Variants in KLHL22 observed in about 807,000 individuals in gnomAD.
KLHL22 encodes kelch like family member 22.
In KLHL22, 18 loss-of-function variants were observed where a neutral mutation model predicts 60.7. The ratio of observed to expected loss-of-function variants is 0.30; its 90% CI spans 0.20 to 0.44. KLHL22 has a LOEUF of 0.44. KLHL22 is among the 20% of genes least tolerant of loss of function. The pLI, the probability that KLHL22 is intolerant of heterozygous loss-of-function variation, is 1.00. For synonymous variants in KLHL22, 355 were observed against 354.5 expected (o/e 1.00, Z -0.01); for missense variants, 596 against 852.3 (o/e 0.70, Z 3.74).
intron 2 of KLHL22, among the ~76,000 whole-genome samples, chr22:20,480,583 C>T (rs2053482236): frequency 6.6e-6 from 1 of 152,044 alleles, no homozygotes; most frequent in Non-Finnish European, 1.5e-5. Flanking sequence ...TCCTCGATCC[C>T]TTGTCCAAAC....
rs1442932084 is a variant in KLHL22 at position 20,495,435 on chromosome 22, G to C, written c.-34+325C>G. ...GGCCAGGAAGGCCGCATTCGGACCT[G>C]CCGCAGGCAACAGGGCCCGCCCGGG... On this transcript the variant is annotated intron_variant, in intron 1 of 6. Transcript: ENST00000328879. The surrounding 1 kb of genome is among the most constrained non-coding windows in gnomAD (Gnocchi z 4.6). Among the ~76,000 whole-genome samples the C allele has an allele frequency of 2.0e-5, 3 of 152,038 alleles. No homozygotes were observed. Among genetic ancestry groups the C allele is most frequent in the Admixed American group, 1.3e-4 (2 of 15,266 alleles).
chr22:20,449,796 G>A (rs1054190766), intron 5 of KLHL22, among the ~76,000 whole-genome samples: 12 of 151,620 alleles, frequency 7.9e-5, no homozygotes, highest in African/African-American at 1.5e-4. Context: ...TTTTAATTTT[G>A]ATGAAGTCCA....
chr22:20,455,606 A>G (rs1843821878), intron 5 of KLHL22, among the ~76,000 whole-genome samples: 1 of 152,132 alleles, frequency 6.6e-6, no homozygotes, highest in South Asian at 2.1e-4. Context: ...CCCCTCTTTC[A>G]GTTAAGCTTA....
Position 20,469,566 on chromosome 22 carries a change from CAG to C in KLHL22, c.393+1782_393+1783del, listed in dbSNP as rs982182613. ...CAGAAGAGATCTCTAAATAAAAGAA[CAG>C]GGGGAAATTCTTTTGTTGTAAAAGC... is the stretch of plus-strand genomic sequence containing the variant. On this transcript the variant is annotated intron_variant, in intron 3 of 6. Transcript: ENST00000328879. 3.7e-4 allele frequency among the ~76,000 whole-genome samples: 56 copies of C among 152,194 alleles called. 1 individual carries two copies. The South Asian group carries it at 9.4e-3, about 25-fold the overall frequency.
At chr22:20,459,480 C>T (rs2053119072) in intron 4 of KLHL22, among the ~76,000 whole-genome samples, 1 of 152,210 alleles carries the variant, frequency 6.6e-6, no homozygotes, top group Non-Finnish European at 1.5e-5. Flanking sequence ...CAGTTTTAAT[C>T]TCTTGGGATT....
At position 20,465,695 on chromosome 22, in the gene KLHL22, T is replaced by C; in HGVS notation, c.394-119A>G. ...GCCAGGCAAAGCAGAAGGGAAGTCCTCCTTAATTGTCCCCGACCTTTTCTG... is the reference window on the plus strand; with the variant it reads ...GCCAGGCAAAGCAGAAGGGAAGTCCCCCTTAATTGTCCCCGACCTTTTCTG... On this transcript the variant is annotated intron_variant, in intron 3 of 6. Coordinates refer to ENST00000328879, the MANE Select transcript of KLHL22 (RefSeq NM_032775.4). This position sits in a 1 kb window ranked among gnomAD's most constrained non-coding sequence, Gnocchi z 4.9. 1.4e-6 allele frequency: 1 copy of C among 692,186 alleles called. No homozygotes were observed. The highest frequency in any genetic ancestry group is 2.6e-6 in the Non-Finnish European group (1 of 379,152). 42.9% of individuals were successfully genotyped at this position (692,186 alleles called of 1,614,324 possible).
chr22:20,442,724 C>G (rs1236992514), intron 6 of KLHL22, among the ~76,000 whole-genome samples: 3 of 152,248 alleles, frequency 2.0e-5, no homozygotes, highest in Admixed American at 6.5e-5. Context: ...CTCTAGGCCA[C>G]CCGGCCCTAA....
intron 4 of KLHL22, among the ~76,000 whole-genome samples, chr22:20,462,570 G>A (rs1033916651): frequency 6.7e-6 from 1 of 150,228 alleles, no homozygotes; most frequent in African/African-American, 2.5e-5. Context: ...TTGTTGCCCA[G>A]GCTGATCTTG....
chr22:20,469,538 G>C (rs919490409), intron 3 of KLHL22, among the ~76,000 whole-genome samples: 2 of 152,106 alleles, frequency 1.3e-5, no homozygotes, highest in African/African-American at 4.8e-5. Flanking sequence ...AGGGATGTGG[G>C]GACAGAAGAG....
chr22:20,467,527 C>T (rs941313271), intron 3 of KLHL22, among the ~76,000 whole-genome samples: 2 of 152,146 alleles, frequency 1.3e-5, no homozygotes, highest in African/African-American at 4.8e-5. Flanking sequence ...GTGGGAACCC[C>T]CTTGCTACCA....
At chr22:20,486,629 G>A (rs2053590884) in intron 2 of KLHL22, among the ~76,000 whole-genome samples, 1 of 151,562 alleles carries the variant, frequency 6.6e-6, no homozygotes, top group Non-Finnish European at 1.5e-5. Context: ...CATTTCACAA[G>A]TAACTAAAAC....
At chr22:20,486,393 T>C (rs1324217965) in intron 2 of KLHL22, among the ~76,000 whole-genome samples, 8 of 152,098 alleles carry the variant, frequency 5.3e-5, no homozygotes, top group South Asian at 2.1e-4. Flanking sequence ...AGTAGCTCCA[T>C]TGGATAACAC....
chr22:20,443,667 A>G (rs1350674810), intron 6 of KLHL22, among the ~76,000 whole-genome samples: 1 of 152,124 alleles, frequency 6.6e-6, no homozygotes, highest in Non-Finnish European at 1.5e-5. Flanking sequence ...TGAACCCAGG[A>G]GGCAAAGGGT....
chr22:20,454,344 A>C (rs2053029350), intron 5 of KLHL22, among the ~76,000 whole-genome samples: 1 of 152,068 alleles, frequency 6.6e-6, no homozygotes. Flanking sequence ...AAATAAAAAT[A>C]AAAAAATTTT....
chr22:20,443,838 A>G (rs2052809182), intron 6 of KLHL22, among the ~76,000 whole-genome samples: 1 of 152,122 alleles, frequency 6.6e-6, no homozygotes. Flanking sequence ...ACCTGAGGTC[A>G]GGAGTTTGAG....
At chr22:20,471,742 T>C (rs1404366819) in intron 2 of KLHL22, among the ~76,000 whole-genome samples, 1 of 152,134 alleles carries the variant, frequency 6.6e-6, no homozygotes, top group Non-Finnish European at 1.5e-5. Flanking sequence ...GTTTCCCTTT[T>C]CATGGGCCCA....
In KLHL22 at chr22:20,489,263, G is replaced by C. The variant is rs377192422; in HGVS notation, c.-33-19C>G. 2.6e-5 allele frequency: 42 copies of C among 1,585,582 alleles called. No homozygotes were observed. Among genetic ancestry groups the C allele is most frequent in the Non-Finnish European group, 3.6e-5 (42 of 1,157,228 alleles). Reference sequence around the variant, plus strand: ...CTGTGGCCTGACAGTTGGCAAAACAGGGGACAGGGGTGAGCAGGCAGGCAT... The same window carrying C: ...CTGTGGCCTGACAGTTGGCAAAACACGGGACAGGGGTGAGCAGGCAGGCAT... On this transcript the variant is annotated intron_variant, in intron 1 of 6. Transcript: ENST00000328879.
chr22:20,451,499 C>G (rs1250754063), intron 5 of KLHL22: 1 of 1,599,904 alleles, frequency 6.3e-7, no homozygotes, highest in African/African-American at 1.3e-5. Context: ...CCAATGGCCA[C>G]CAAGCGTTCT....
At chr22:20,451,507 T>G in intron 5 of KLHL22, 2 of 1,598,356 alleles carry the variant, frequency 1.3e-6, no homozygotes, top group Non-Finnish European at 1.7e-6. Context: ...CACCAAGCGT[T>G]CTGGTGCAGG....
Sources: gnomAD v4.1 joint callset for allele counts (sites outside exome capture counted in the v4.1 genomes callset) on GRCh38, gnomAD v4.1.1 for gene constraint, Gnocchi (gnomAD v3.1) non-coding constraint, MANE v1.5 for transcripts, NCBI Gene and HGNC (gene_info 2026-07-23, HGNC 2026-07-21) for gene names.